The following ZSCAN22 variants were observed in gnomAD, a reference collection of about 807,000 sequenced individuals.
ZSCAN22 encodes zinc finger and SCAN domain-containing protein 22.
In ZSCAN22, 7 loss-of-function variants were observed where a neutral mutation model predicts 12.4. That is an observed-to-expected ratio of 0.57 (90% CI 0.32 to 1.06). The LOEUF (loss-of-function observed/expected upper bound fraction) is 1.06, where lower values mean the gene tolerates loss of function less well. Ranked by LOEUF, ZSCAN22 falls within the 50% of genes least tolerant of loss-of-function variation. The pLI, the probability that ZSCAN22 is intolerant of heterozygous loss-of-function variation, is 0.04. For missense variants in ZSCAN22, 576 were observed against 631.7 expected, an observed-to-expected ratio of 0.91 and a Z score of 0.94; for synonymous variants, 243 against 255.9, an observed-to-expected ratio of 0.95 and a Z score of 0.48.
chr19:58,334,887 G>A lies in ZSCAN22; in HGVS notation c.85G>A (p.Ala29Thr). The A allele has an allele frequency of 6.2e-7, 1 of 1,613,914 alleles. No individual in the cohort carries two copies. Among genetic ancestry groups the A allele is most frequent in the Non-Finnish European group, 8.5e-7 (1 of 1,180,038 alleles). ...AGTGAAGGTGGAGGAGGAAGAGGAAGCCAGCCTCTCCCAGGGCGGAGAATC... is the reference window on the plus strand; with the variant it reads ...AGTGAAGGTGGAGGAGGAAGAGGAAACCAGCCTCTCCCAGGGCGGAGAATC... Reference protein sequence around the residue: ...LQVKVEEEEEASLSQGGESSH... With the variant: ...LQVKVEEEEETSLSQGGESSH... The change falls in exon 2 of 3, where the codon GCC becomes ACC. Residue 29 changes from alanine to threonine, a missense_variant. By Grantham distance (58) the Ala-to-Thr change is moderately conservative. Coordinates refer to ENST00000329665, the MANE Select transcript of ZSCAN22 (RefSeq NM_181846.3).
rs200006267 is a variant in ZSCAN22 at position 58,338,974 on chromosome 19, C to T, written c.1124C>T (p.Thr375Met). ...THLTQHQRVH[T>M]GERPYECDAC... ...CTCACCCAGCACCAGCGGGTGCACA[C>T]GGGGGAGCGGCCCTACGAGTGTGAC... The change falls in exon 3 of 3, where the codon ACG (threonine) becomes ATG (methionine). Residue 375 changes from threonine (T) to methionine (M), a missense_variant. Coordinates refer to ENST00000329665, the MANE Select transcript of ZSCAN22 (RefSeq NM_181846.3). The surrounding 1 kb of genome is among the most constrained non-coding windows in gnomAD (Gnocchi z 5.4). 4.6e-5 allele frequency: 74 copies of T among 1,613,204 alleles called. No homozygotes were observed. The East Asian group carries it at 5.3e-4, about 12-fold the overall frequency.
chr19:58,331,968 G>A (rs1267937801), intron 1 of ZSCAN22, among the ~76,000 whole-genome samples: 1 of 151,996 alleles, frequency 6.6e-6, no homozygotes, highest in Admixed American at 6.6e-5. Flanking sequence ...CCACCTTCCA[G>A]GTTAAAGGGT....
At chr19:58,332,455 A>G (rs183546636) in intron 1 of ZSCAN22, among the ~76,000 whole-genome samples, 1 of 151,290 alleles carries the variant, frequency 6.6e-6, no homozygotes, top group Admixed American at 6.6e-5. Context: ...TGTATTTTTT[A>G]GTAGAGACGG....
intron 1 of ZSCAN22, among the ~76,000 whole-genome samples, chr19:58,328,167 G>C (rs1020273073): frequency 2.6e-5 from 4 of 152,154 alleles, no homozygotes; most frequent in Non-Finnish European, 2.9e-5. Context: ...GTGTTTATTT[G>C]ACTGATTATA....
rs2051700460 is a variant in ZSCAN22 at position 58,329,748 on chromosome 19, G to T, written c.-52+2634G>T. On this transcript the variant is annotated intron_variant, in intron 1 of 2. Transcript: ENST00000329665. The surrounding 1 kb of genome is among the most constrained non-coding windows in gnomAD (Gnocchi z 4.1). ...TAATTTCTTACTATGCCTAACTTAT[G>T]AACTTTATCAAGGGTATATAATAAG... 6.6e-6 allele frequency among the ~76,000 whole-genome samples: 1 copy of T among 152,084 alleles called. No homozygotes were observed. The highest frequency in any genetic ancestry group is 1.5e-5 in the Non-Finnish European group (1 of 68,010).
chr19:58,328,709 G>A (rs983196484), intron 1 of ZSCAN22, among the ~76,000 whole-genome samples: 9 of 152,160 alleles, frequency 5.9e-5, no homozygotes, highest in Non-Finnish European at 1.3e-4. Context: ...ACCGTCATGA[G>A]GGATTTCTCC....
chr19:58,333,838 G>A (rs1013644228), intron 1 of ZSCAN22, among the ~76,000 whole-genome samples: 2 of 152,070 alleles, frequency 1.3e-5, no homozygotes, highest in African/African-American at 2.4e-5. Flanking sequence ...GGGAGACTCC[G>A]TCTCAAAAAA....
rs1250928046 is a variant in ZSCAN22, at chr19:58,339,244, A to C, written c.1394A>C (p.Lys465Thr). ...ATCCACACGGGAGAGAAGCCTTATAAGTGCAGCGACTGTGGGAAGGCCTTC... is the reference window on the plus strand; with the variant it reads ...ATCCACACGGGAGAGAAGCCTTATACGTGCAGCGACTGTGGGAAGGCCTTC... ...QRIHTGEKPYKCSDCGKAFSR... is the reference protein window; with the variant it reads ...QRIHTGEKPYTCSDCGKAFSR... The change falls in exon 3 of 3, where the codon AAG becomes ACG. Residue 465 changes from lysine to threonine, a missense_variant. Lys to Thr is a moderately conservative substitution (Grantham distance 78). Coordinates refer to ENST00000329665, the MANE Select transcript of ZSCAN22 (RefSeq NM_181846.3). This position sits in a 1 kb window ranked among gnomAD's most constrained non-coding sequence, Gnocchi z 5.6. 2 of 1,614,164 alleles carry C rather than the reference A, an allele frequency of 1.2e-6. No individual in the cohort carries two copies. Among genetic ancestry groups the C allele is most frequent in the Non-Finnish European group, 1.7e-6 (2 of 1,180,012 alleles).
rs1264476745 is a variant in ZSCAN22 at position 58,339,396 on chromosome 19, T to C, written c.*70T>C. 4 of 1,396,624 alleles carry C rather than the reference T, an allele frequency of 2.9e-6. No homozygotes were observed. The highest frequency in any genetic ancestry group is 3.9e-6 in the Non-Finnish European group (4 of 1,036,736). The allele number at this position is 1,396,624 out of a possible 1,614,324, so 86.5% of individuals were successfully genotyped here. ...CTCGAGGTCTAAGAGAAACGCTGAG[T>C]TCCTGAAGAGCCACAGACAGGGTGG... On this transcript the variant is annotated 3_prime_UTR_variant, in exon 3 of 3. Transcript: ENST00000329665. This position sits in a 1 kb window ranked among gnomAD's most constrained non-coding sequence, Gnocchi z 5.6.
At chr19:58,327,429 T>G (rs1481128395) in intron 1 of ZSCAN22, among the ~76,000 whole-genome samples, 2 of 152,144 alleles carry the variant, frequency 1.3e-5, no homozygotes, top group Admixed American at 1.3e-4. Context: ...ACGGAGAATG[T>G]GTCGGACTGA....
At chr19:58,337,417 A>T (rs2051812121) in intron 2 of ZSCAN22, among the ~76,000 whole-genome samples, 1 of 146,102 alleles carries the variant, frequency 6.8e-6, no homozygotes, top group Non-Finnish European at 1.5e-5. Context: ...CAGAGATCAG[A>T]GCCTGCAGGG....
intron 1 of ZSCAN22, among the ~76,000 whole-genome samples, chr19:58,328,587 A>C (rs1337816678): frequency 6.6e-6 from 1 of 152,154 alleles, no homozygotes; most frequent in East Asian, 1.9e-4. Context: ...GAGAAATGAA[A>C]AGAACCACCC....
In ZSCAN22 at chr19:58,334,995, G is replaced by A. The variant is rs752835405; in HGVS notation, c.193G>A (p.Glu65Lys). ...FRYEEASGPHEALAHLRALCC... is the reference protein window; with the variant it reads ...FRYEEASGPHKALAHLRALCC... ...CTATGAGGAGGCATCTGGTCCACAC[G>A]AGGCCCTGGCCCACCTCCGAGCGCT... The change falls in exon 2 of 3, where the codon GAG (glutamate) becomes AAG (lysine). Residue 65 changes from glutamate (E) to lysine (K), a missense_variant. By Grantham distance (56) the Glu-to-Lys change is moderately conservative. Transcript: ENST00000329665. 3.7e-6 allele frequency: 6 copies of A among 1,613,956 alleles called. No individual in the cohort carries two copies. Among genetic ancestry groups the A allele is most frequent in the African/African-American group, 2.7e-5 (2 of 74,934 alleles).
intron 1 of ZSCAN22, among the ~76,000 whole-genome samples, chr19:58,331,383 G>A (rs928297530): frequency 8.0e-5 from 12 of 149,550 alleles, no homozygotes; most frequent in African/African-American, 2.7e-4. Context: ...CGCCTGTCTA[G>A]TTTTCATATT....
chr19:58,327,407 C>T (rs2051665916), intron 1 of ZSCAN22, among the ~76,000 whole-genome samples: 1 of 152,114 alleles, frequency 6.6e-6, no homozygotes. Flanking sequence ...ACACTGAGTG[C>T]CGGACGGACC....
intron 1 of ZSCAN22, among the ~76,000 whole-genome samples, chr19:58,330,830 G>A (rs1461237202): frequency 6.6e-6 from 1 of 152,198 alleles, no homozygotes; most frequent in Non-Finnish European, 1.5e-5. Context: ...CTTATCATGT[G>A]TTGGTCGCTG....
chr19:58,334,465 C>T (rs1292961582), intron 1 of ZSCAN22, among the ~76,000 whole-genome samples: 6 of 152,090 alleles, frequency 3.9e-5, no homozygotes, highest in African/African-American at 9.7e-5. Flanking sequence ...CACAGGTGCC[C>T]GCCACCACGT....
chr19:58,335,429 CG>C lies in ZSCAN22; in HGVS notation c.403+226del, dbSNP rs2051785586. Among the ~76,000 whole-genome samples the C allele has an allele frequency of 6.6e-6, 1 of 152,206 alleles. No homozygotes were observed. Among genetic ancestry groups the C allele is most frequent in the Admixed American group, 6.5e-5 (1 of 15,280 alleles). On this transcript the variant is annotated intron_variant, in intron 2 of 2. Transcript: ENST00000329665. The surrounding 1 kb of genome is among the most constrained non-coding windows in gnomAD (Gnocchi z 4.1). ...AAGAAGGGTAAGGAGGCAGCAGATACGGCTATATCCAGAAGATCTGTTGACA... is the reference window on the plus strand; with the variant it reads ...AAGAAGGGTAAGGAGGCAGCAGATACGCTATATCCAGAAGATCTGTTGACA...
In ZSCAN22 at chr19:58,338,102, A is replaced by C. The variant is rs1415831869; in HGVS notation, c.404-152A>C. ...GACAGCCCTGCACCCTTTGTCATCC[A>C]AGACACCAAATGAGAAACTTCCCCT... On this transcript the variant is annotated intron_variant, in intron 2 of 2. Transcript: ENST00000329665. The surrounding 1 kb of genome is among the most constrained non-coding windows in gnomAD (Gnocchi z 5.4). 4.4e-6 allele frequency: 3 copies of C among 675,976 alleles called. No homozygotes were observed. The highest frequency in any genetic ancestry group is 7.3e-6 in the Non-Finnish European group (3 of 411,828). 41.9% of individuals were successfully genotyped at this position (675,976 alleles called of 1,614,324 possible).
Sources: gnomAD v4.1 joint callset for allele counts (sites outside exome capture counted in the v4.1 genomes callset) on GRCh38, gnomAD v4.1.1 for gene constraint, Gnocchi (gnomAD v3.1) non-coding constraint, MANE v1.5 for transcripts, NCBI Gene and HGNC (gene_info 2026-07-23, HGNC 2026-07-21) for gene names.